Variants in CD2AP observed in about 807,000 individuals in gnomAD.
CD2AP encodes the protein CD2 associated protein, also known as CD2-associated protein.
A neutral mutation model predicts 85.1 loss-of-function variants in CD2AP; 46 were observed. The ratio of observed to expected loss-of-function variants is 0.54; its 90% CI spans 0.43 to 0.69. The LOEUF (loss-of-function observed/expected upper bound fraction) is 0.69, where lower values mean the gene tolerates loss of function less well. CD2AP is among the 30% of genes least tolerant of loss of function. The probability of loss-of-function intolerance (pLI) is 0.00; values close to 1 mark genes in which losing one functional copy is unlikely to be tolerated. For missense variants in CD2AP, 769 were observed against 729.5 expected (o/e 1.05, Z -0.62); for synonymous variants, 255 against 252.9 (o/e 1.01, Z -0.08).
intron 9 of CD2AP, among the ~76,000 whole-genome samples, chr6:47,580,089 A>G (rs1441367696): frequency 3.3e-5 from 5 of 152,198 alleles, no homozygotes; most frequent in African/African-American, 1.2e-4. Flanking sequence ...TGTTAGGTTT[A>G]AGCCAATGCA....
intron 4 of CD2AP, 66 bp from the exon 5 acceptor site, chr6:47,554,580 T>C (rs2114062331): frequency 2.5e-6 from 4 of 1,580,006 alleles, no homozygotes; most frequent in Non-Finnish European, 3.5e-6. Flanking sequence ...AGCTTAATTT[T>C]CCCATAGGGT....
intron 17 of CD2AP, among the ~76,000 whole-genome samples, chr6:47,619,002 A>G (rs1769672459): frequency 6.6e-6 from 1 of 152,250 alleles, no homozygotes; most frequent in Admixed American, 6.5e-5. Context: ...ATACAGTATT[A>G]TAATGTTCAC....
intron 5 of CD2AP, among the ~76,000 whole-genome samples, chr6:47,557,193 A>G (rs1215579793): frequency 6.9e-6 from 1 of 144,324 alleles, no homozygotes; most frequent in Admixed American, 6.9e-5. Flanking sequence ...TCTTGTAAAT[A>G]TGTTTAAGTT....
chr6:47,489,587 T>TA lies in CD2AP; in HGVS notation c.4+11340dup, dbSNP rs201551523. ...TTAAAATTCATTTTCAGTTGATACT[T>TA]AGTTACTAGCATTTAGGGAATTCTT... On this transcript the variant is annotated intron_variant, in intron 1 of 17. Transcript: ENST00000359314. 9.6e-3 allele frequency among the ~76,000 whole-genome samples: 1,455 copies of TA among 152,274 alleles called. 11 individuals are homozygous for TA. The highest frequency in any genetic ancestry group is 0.031 in the Middle Eastern group (9 of 294).
intron 2 of CD2AP, among the ~76,000 whole-genome samples, chr6:47,504,493 A>G (rs1415618505): frequency 5.3e-5 from 8 of 152,230 alleles, no homozygotes; most frequent in African/African-American, 1.7e-4. Context: ...ATAAAATGGC[A>G]TAGTATTTGC....
chr6:47,591,258 G>A (rs542510914), intron 11 of CD2AP, among the ~76,000 whole-genome samples: 1 of 152,258 alleles, frequency 6.6e-6, no homozygotes, highest in South Asian at 2.1e-4. Flanking sequence ...GGTAGTGATT[G>A]GGAAGAAGGA....
intron 8 of CD2AP, among the ~76,000 whole-genome samples, chr6:47,578,964 A>T (rs544143289): frequency 6.6e-6 from 1 of 152,240 alleles, no homozygotes; most frequent in African/African-American, 2.4e-5. Context: ...GCCTCATTTT[A>T]TCTTTCTCTT....
intron 13 of CD2AP, among the ~76,000 whole-genome samples, 171 bp from the exon 14 acceptor site, chr6:47,605,994 A>G (rs981703287): frequency 5.3e-5 from 8 of 151,768 alleles, no homozygotes; most frequent in African/African-American, 1.9e-4. Context: ...TTTTCTTTTA[A>G]GGGCGAGTGT....
chr6:47,590,232 A>C (rs1582598153), intron 11 of CD2AP, among the ~76,000 whole-genome samples: 2 of 152,176 alleles, frequency 1.3e-5, no homozygotes, highest in Middle Eastern at 3.4e-3. Context: ...TAAATGTTAG[A>C]AGTAATAAAA....
chr6:47,529,989 T>C (rs1046357878), intron 2 of CD2AP, among the ~76,000 whole-genome samples: 1 of 152,212 alleles, frequency 6.6e-6, no homozygotes, highest in African/African-American at 2.4e-5. Flanking sequence ...CCTGCTCATA[T>C]GCTATGCTTT....
rs559077112 is a variant in CD2AP, at chr6:47,550,039, C to T, written c.421-4607C>T. On this transcript the variant is annotated intron_variant, in intron 4 of 17. Transcript: ENST00000359314. ...AGAATGAAACTGGATCCTCATCTCTCACCTTATACAAAAATCAAATCAAGA... is the reference window on the plus strand; with the variant it reads ...AGAATGAAACTGGATCCTCATCTCTTACCTTATACAAAAATCAAATCAAGA... Among the ~76,000 whole-genome samples the T allele has an allele frequency of 1.8e-4, 28 of 152,252 alleles. No individual in the cohort carries two copies. The East Asian group carries it at 5.4e-3, about 29-fold the overall frequency.
intron 3 of CD2AP, among the ~76,000 whole-genome samples, chr6:47,543,712 C>T (rs1044187944): frequency 4.6e-5 from 7 of 152,170 alleles, no homozygotes; most frequent in African/African-American, 7.2e-5. Flanking sequence ...CCCTTAGGAC[C>T]TCATTTAACC....
intron 2 of CD2AP, among the ~76,000 whole-genome samples, chr6:47,514,037 G>A (rs1766389232): frequency 6.6e-6 from 1 of 151,798 alleles, no homozygotes; most frequent in Admixed American, 6.6e-5. Flanking sequence ...TTTTTCCTTT[G>A]AGTTCTTGTT....
chr6:47,613,470 G>T (rs1346695728), intron 17 of CD2AP, among the ~76,000 whole-genome samples: 1 of 151,976 alleles, frequency 6.6e-6, no homozygotes, highest in Non-Finnish European at 1.5e-5. Context: ...GGGTGACTAA[G>T]GGCATGGTCA....
At chr6:47,495,189 C>T (rs867071440) in intron 1 of CD2AP, among the ~76,000 whole-genome samples, 4 of 151,986 alleles carry the variant, frequency 2.6e-5, no homozygotes, top group South Asian at 2.1e-4. Flanking sequence ...ATAGTCTTTT[C>T]AGGTGTGATT....
chr6:47,503,553 T>C (rs1766053727), intron 2 of CD2AP, 113 bp downstream of exon 2: 1 of 1,003,248 alleles, frequency 1.0e-6, no homozygotes, highest in Admixed American at 2.1e-5. Flanking sequence ...GTTTTCTTTG[T>C]AACATTTAAG....
At chr6:47,621,222 A>G (rs1350535294) in intron 17 of CD2AP, among the ~76,000 whole-genome samples, 1 of 152,202 alleles carries the variant, frequency 6.6e-6, no homozygotes, top group Non-Finnish European at 1.5e-5. Flanking sequence ...TATCCCTTGT[A>G]TGCCAGTTTT....
chr6:47,486,407 G>T (rs1331599880), intron 1 of CD2AP, among the ~76,000 whole-genome samples: 1 of 152,098 alleles, frequency 6.6e-6, no homozygotes, highest in African/African-American at 2.4e-5. Flanking sequence ...GTTAGTATGT[G>T]AATCCATTAG....
In CD2AP at chr6:47,582,004, T is replaced by A. The variant is rs1369087292; in HGVS notation, c.1047T>A (p.Ala349=). 6.3e-7 allele frequency: 1 copy of A among 1,599,526 alleles called. No individual in the cohort carries two copies. ...AAGTATTAATGTTTTTTCCCATAGC[T>A]CCAAAGCCTGAACTGATAGCTGCAG... is the stretch of plus-strand genomic sequence containing the variant. ...KKPPPPAKAP[A]PKPELIAAEK... The change falls in exon 11 of 18, where the codon GCT becomes GCA. Residue 349 remains alanine, a splice_region_variant and synonymous_variant. Coordinates refer to ENST00000359314, the MANE Select transcript of CD2AP (RefSeq NM_012120.3).
Sources: allele counts gnomAD v4.1 joint callset (sites outside exome capture counted in the v4.1 genomes callset), GRCh38; gene constraint gnomAD v4.1.1; transcripts MANE v1.5; gene names NCBI Gene and HGNC (gene_info 2026-07-23, HGNC 2026-07-21).